The following CPO variants were observed in gnomAD, a reference collection of about 807,000 sequenced individuals.
The protein encoded by CPO is metallocarboxypeptidase C.
A neutral mutation model predicts 41.2 loss-of-function variants in CPO; 43 were observed. The ratio of observed to expected loss-of-function variants is 1.04; its 90% CI spans 0.82 to 1.35. The LOEUF is 1.35. Among genes scored for constraint, CPO ranks in the 40% most tolerant of loss-of-function variants. The pLI is 0.00. For missense variants in CPO, 408 were observed against 451.7 expected (o/e 0.90, Z 0.88); for synonymous variants, 178 against 162.7 (o/e 1.09, Z -0.72).
chr2:206,966,062 C>T (rs568587511), intron 7 of CPO, among the ~76,000 whole-genome samples: 19 of 152,238 alleles, frequency 1.2e-4, no homozygotes, highest in Non-Finnish European at 2.2e-4. Context: ...AGTAATTCCT[C>T]ATGGAATTAT....
chr2:206,959,443 C>T (rs112528832), intron 4 of CPO, among the ~76,000 whole-genome samples, 188 bp from the exon 5 acceptor site: 3 of 152,126 alleles, frequency 2.0e-5, no homozygotes, highest in African/African-American at 7.2e-5. Flanking sequence ...TTAACAGGTC[C>T]CTCAGTGATT....
intron 2 of CPO, among the ~76,000 whole-genome samples, chr2:206,951,579 T>C (rs1693264912): frequency 6.6e-6 from 1 of 152,224 alleles, no homozygotes; most frequent in Non-Finnish European, 1.5e-5. Context: ...TATACTTTCT[T>C]ATATAGCAGT....
chr2:206,967,030 T>C (rs1186510695), intron 7 of CPO, among the ~76,000 whole-genome samples: 2 of 152,078 alleles, frequency 1.3e-5, no homozygotes, highest in East Asian at 3.9e-4. Flanking sequence ...GGGGAGCTGG[T>C]GCACCTGGAG....
At chr2:206,957,445 G>T (rs1693391042) in intron 3 of CPO, among the ~76,000 whole-genome samples, 1 of 151,880 alleles carries the variant, frequency 6.6e-6, no homozygotes, top group Admixed American at 6.6e-5. Flanking sequence ...TTGAAAAATA[G>T]ATGAGGCTAA....
intron 6 of CPO, 32 bp downstream of exon 6, chr2:206,960,974 C>A: frequency 7.3e-7 from 1 of 1,377,076 alleles, no homozygotes; most frequent in Non-Finnish European, 1.0e-6. Flanking sequence ...GAATTATGAA[C>A]AAATAAAGCT....
At chr2:206,950,229 TCAAA>T (rs1338428149) in intron 2 of CPO, among the ~76,000 whole-genome samples, 5 of 152,106 alleles carry the variant, frequency 3.3e-5, no homozygotes, top group African/African-American at 1.2e-4. Context: ...TACAAAGAAC[TCAAA>T]CAAATTTACA....
chr2:206,949,798 T>C, intron 2 of CPO, 85 bp downstream of exon 2: 1 of 809,764 alleles, frequency 1.2e-6, no homozygotes, highest in Non-Finnish European at 2.1e-6. Context: ...GTAATATCCA[T>C]GCATTAGAGA....
At position 206,965,474 on chromosome 2, in the gene CPO, G is replaced by A. The variant is rs6709589; in HGVS notation, c.778-2789G>A. ...ATGGTAAATATTATACTACATGATAGACAGCTTGGCAATCACTGTGTAGGA... is the reference window on the plus strand; with the variant it reads ...ATGGTAAATATTATACTACATGATAAACAGCTTGGCAATCACTGTGTAGGA... On this transcript the variant is annotated intron_variant, in intron 7 of 8. Transcript: ENST00000272852. 2.7e-3 allele frequency among the ~76,000 whole-genome samples: 409 copies of A among 152,254 alleles called. 2 individuals are homozygous for A. The highest frequency in any genetic ancestry group is 9.7e-3 in the African/African-American group (404 of 41,552).
intron 1 of CPO, among the ~76,000 whole-genome samples, chr2:206,944,284 G>A (rs1352643240): frequency 6.6e-6 from 1 of 151,924 alleles, no homozygotes; most frequent in Non-Finnish European, 1.5e-5. Context: ...GAAAATGTAT[G>A]TTAAGAATGA....
At chr2:206,947,545 A>G (rs940508051) in intron 1 of CPO, among the ~76,000 whole-genome samples, 51 of 152,326 alleles carry the variant, frequency 3.3e-4, no homozygotes, top group African/African-American at 1.2e-3. Context: ...GTAAGAATTG[A>G]TAAGCTAGAC....
intron 8 of CPO, 42 bp downstream of exon 8, chr2:206,968,389 A>C (rs761272731): frequency 8.5e-7 from 1 of 1,174,914 alleles, no homozygotes; most frequent in Non-Finnish European, 1.3e-6. Context: ...TCTAAGGCAC[A>C]AAAGAAGTCA....
intron 7 of CPO, among the ~76,000 whole-genome samples, chr2:206,965,353 G>T (rs1172523962): frequency 2.6e-5 from 4 of 152,082 alleles, no homozygotes; most frequent in Non-Finnish European, 5.9e-5. Context: ...CAAGCCAACT[G>T]CTCCAAGGAG....
intron 1 of CPO, among the ~76,000 whole-genome samples, chr2:206,944,100 T>C (rs969689099): frequency 3.9e-5 from 6 of 152,090 alleles, no homozygotes; most frequent in Admixed American, 1.3e-4. Context: ...TTACTACTTT[T>C]GCATAGAGTA....
At chr2:206,950,905 A>T (rs2105822125) in intron 2 of CPO, among the ~76,000 whole-genome samples, 1 of 150,082 alleles carries the variant, frequency 6.7e-6, no homozygotes, top group South Asian at 2.1e-4. Context: ...GAGGGGGAAC[A>T]TCACACACCG....
intron 2 of CPO, among the ~76,000 whole-genome samples, chr2:206,952,992 A>T (rs1033708506): frequency 6.6e-6 from 1 of 152,078 alleles, no homozygotes; most frequent in East Asian, 1.9e-4. Context: ...CTATCACGAG[A>T]ACAGCTCAGG....
intron 2 of CPO, among the ~76,000 whole-genome samples, chr2:206,955,155 G>A (rs1693334619): frequency 6.6e-6 from 1 of 152,210 alleles, no homozygotes; most frequent in Non-Finnish European, 1.5e-5. Flanking sequence ...AGCTAAGGCT[G>A]GTGGTCAATT....
Position 206,958,336 on chromosome 2 carries a change from T to A in CPO, c.303T>A (p.Ile101=). The part of the protein sequence containing the change: ...SQPSGNPKKI[I]WMDCGIHARE... Reference sequence around the variant, plus strand: ...CATCTGGTAATCCCAAGAAAATCATTTGGATGGACTGTGGAATTCACGCCA... The same window carrying A: ...CATCTGGTAATCCCAAGAAAATCATATGGATGGACTGTGGAATTCACGCCA... The change falls in exon 4 of 9, where the codon ATT becomes ATA. Residue 101 remains isoleucine (I), a synonymous_variant. Coordinates refer to ENST00000272852, the MANE Select transcript of CPO (RefSeq NM_173077.3). 6.3e-7 allele frequency: 1 copy of A among 1,599,922 alleles called. No individual in the cohort carries two copies. The highest frequency in any genetic ancestry group is 1.3e-5 in the African/African-American group (1 of 74,358).
intron 1 of CPO, among the ~76,000 whole-genome samples, chr2:206,941,645 C>G (rs145124035): frequency 8.2e-4 from 124 of 152,144 alleles, no homozygotes; most frequent in African/African-American, 2.7e-3. Flanking sequence ...TCTTTATTGG[C>G]TGTTTTTATT....
intron 1 of CPO, among the ~76,000 whole-genome samples, chr2:206,941,860 C>T (rs1407777539): frequency 2.6e-5 from 4 of 151,994 alleles, no homozygotes; most frequent in African/African-American, 9.7e-5. Flanking sequence ...TTATATATTG[C>T]ATACATCCTG....
Sources: gnomAD v4.1 joint callset for allele counts (sites outside exome capture counted in the v4.1 genomes callset) on GRCh38, gnomAD v4.1.1 for gene constraint, MANE v1.5 for transcripts, NCBI Gene and HGNC (gene_info 2026-07-23, HGNC 2026-07-21) for gene names.